ROBO1: variants seen among roughly 807,000 people sequenced by gnomAD.
The protein encoded by ROBO1 is roundabout homolog 1.
Under a neutral mutation model 195.9 loss-of-function variants are expected in ROBO1, and 149 were observed. The observed-to-expected ratio is 0.76, with a 90% confidence interval of 0.67 to 0.87. ROBO1 has a LOEUF of 0.87. Among genes scored for constraint, ROBO1 ranks in the 40% least tolerant of loss-of-function variants. The probability of loss-of-function intolerance (pLI) is 0.00; values close to 1 mark genes in which losing one functional copy is unlikely to be tolerated. For missense variants in ROBO1, 1,933 were observed against 2,068.3 expected (o/e 0.93, Z 1.27); for synonymous variants, 816 against 733.2 (o/e 1.11, Z -1.82).
At chr3:79,762,404 A>G (rs941361161) in intron 1 of ROBO1, among the ~76,000 whole-genome samples, 3 of 152,008 alleles carry the variant, frequency 2.0e-5, no homozygotes, top group African/African-American at 2.4e-5. Context: ...CAGCATTCAG[A>G]ACATAGCGCA....
At chr3:78,796,834 C>G (rs1055995892) in intron 4 of ROBO1, among the ~76,000 whole-genome samples, 6 of 152,158 alleles carry the variant, frequency 3.9e-5, no homozygotes, top group Non-Finnish European at 7.3e-5. Context: ...TCTAATGAAT[C>G]TTTGAAAACT....
At chr3:79,171,559 AACAGC>A (rs1350123254) in intron 2 of ROBO1, among the ~76,000 whole-genome samples, 4 of 152,154 alleles carry the variant, frequency 2.6e-5, no homozygotes, top group African/African-American at 4.8e-5. Flanking sequence ...TTACATTGTA[AACAGC>A]ACACACATAC....
At chr3:79,104,782 G>C (rs574294698) in intron 3 of ROBO1, among the ~76,000 whole-genome samples, 1 of 151,596 alleles carries the variant, frequency 6.6e-6, no homozygotes, top group Non-Finnish European at 1.5e-5. Context: ...CTGTCCCCTC[G>C]CCCTATCTTA....
chr3:78,739,498 T>C (rs1318099930), intron 5 of ROBO1, among the ~76,000 whole-genome samples: 1 of 152,156 alleles, frequency 6.6e-6, no homozygotes, highest in Non-Finnish European at 1.5e-5. Flanking sequence ...TACTGATTTA[T>C]AATATCCTTT....
chr3:78,617,113 G>C (rs146313538), intron 27 of ROBO1, among the ~76,000 whole-genome samples: 1 of 152,122 alleles, frequency 6.6e-6, no homozygotes, highest in East Asian at 1.9e-4. Flanking sequence ...AGGACATAAA[G>C]AGAATGGGAA....
chr3:79,296,624 T>G (rs2032611233), intron 2 of ROBO1, among the ~76,000 whole-genome samples: 1 of 152,198 alleles, frequency 6.6e-6, no homozygotes, highest in Admixed American at 6.5e-5. Flanking sequence ...TGGAATTGCA[T>G]TATCTTAAAG....
At chr3:79,163,534 G>A (rs1313413356) in intron 2 of ROBO1, among the ~76,000 whole-genome samples, 1 of 151,950 alleles carries the variant, frequency 6.6e-6, no homozygotes, top group Non-Finnish European at 1.5e-5. Flanking sequence ...ATTCTTTTGG[G>A]TCTATACCCA....
intron 1 of ROBO1, among the ~76,000 whole-genome samples, chr3:79,675,632 A>G (rs1946761712): frequency 6.6e-6 from 1 of 152,076 alleles, no homozygotes; most frequent in South Asian, 2.1e-4. Flanking sequence ...TAGTGGAGAA[A>G]ATAGAGGTAA....
At chr3:79,264,595 T>A (rs933187293) in intron 2 of ROBO1, among the ~76,000 whole-genome samples, 30 of 152,068 alleles carry the variant, frequency 2.0e-4, no homozygotes, top group African/African-American at 7.0e-4. Context: ...TTGTTAAGTA[T>A]AAAACTTACT....
At chr3:79,343,739 G>A (rs574240178) in intron 2 of ROBO1, among the ~76,000 whole-genome samples, 1 of 152,156 alleles carries the variant, frequency 6.6e-6, no homozygotes, top group East Asian at 1.9e-4. Flanking sequence ...AATTTGCCAA[G>A]TAAGGAAGAA....
chr3:79,637,862 T>C (rs1945541415), intron 1 of ROBO1, among the ~76,000 whole-genome samples: 1 of 152,148 alleles, frequency 6.6e-6, no homozygotes, highest in South Asian at 2.1e-4. Flanking sequence ...CCATAAATAG[T>C]CCAGTAGTCC....
intron 2 of ROBO1, among the ~76,000 whole-genome samples, chr3:79,271,256 A>G (rs1387668): frequency 0.19 from 29,082 of 151,876 alleles, 3,162 homozygotes; most frequent in African/African-American, 0.3. Flanking sequence ...GTAAATATGT[A>G]ACTGAATCTA....
chr3:79,716,369 T>C (rs1349407879), intron 1 of ROBO1, among the ~76,000 whole-genome samples: 4 of 151,998 alleles, frequency 2.6e-5, no homozygotes, highest in African/African-American at 9.7e-5. Flanking sequence ...AATTTGGGCA[T>C]GTGATATAGA....
At chr3:79,278,657 A>T (rs896387584) in intron 2 of ROBO1, among the ~76,000 whole-genome samples, 1 of 152,154 alleles carries the variant, frequency 6.6e-6, no homozygotes, top group African/African-American at 2.4e-5. Context: ...AGGAATCTAG[A>T]CTCGCACTTT....
At chr3:79,380,568 T>C (rs2036534069) in intron 2 of ROBO1, among the ~76,000 whole-genome samples, 1 of 152,164 alleles carries the variant, frequency 6.6e-6, no homozygotes. Flanking sequence ...TGCTAACCTT[T>C]TCTTAGGTTA....
intron 15 of ROBO1, among the ~76,000 whole-genome samples, chr3:78,661,570 G>T (rs1415744282): frequency 6.6e-6 from 1 of 152,166 alleles, no homozygotes; most frequent in Non-Finnish European, 1.5e-5. Flanking sequence ...ATGCAGAAAT[G>T]TGAGGCCTGA....
At chr3:78,637,614 C>A (rs1705600648) in intron 22 of ROBO1, among the ~76,000 whole-genome samples, 1 of 152,164 alleles carries the variant, frequency 6.6e-6, no homozygotes, top group Admixed American at 6.5e-5. Context: ...CCATATTGGA[C>A]AACACAGCTC....
chr3:79,554,205 A>G (rs1179744418), intron 2 of ROBO1, among the ~76,000 whole-genome samples: 1 of 151,990 alleles, frequency 6.6e-6, no homozygotes, highest in Non-Finnish European at 1.5e-5. Context: ...TATATGTATT[A>G]GTTCTATGCA....
chr3:78,823,000 T>C (rs1336723037), intron 4 of ROBO1, among the ~76,000 whole-genome samples: 1 of 152,208 alleles, frequency 6.6e-6, no homozygotes, highest in East Asian at 1.9e-4. Flanking sequence ...TTCAATTTCC[T>C]TTCACCACAA....
Sources: gnomAD v4.1 joint callset for allele counts (sites outside exome capture counted in the v4.1 genomes callset) on GRCh38, gnomAD v4.1.1 for gene constraint, MANE v1.5 for transcripts, NCBI Gene and HGNC (gene_info 2026-07-23, HGNC 2026-07-21) for gene names.